The following STPG4 variants were observed in gnomAD, a reference collection of about 807,000 sequenced individuals.
STPG4 encodes the protein protein STPG4.
A neutral mutation model predicts 31.5 loss-of-function variants in STPG4; 41 were observed. That is an observed-to-expected ratio of 1.30 (90% CI 1.01 to 1.69). The LOEUF (loss-of-function observed/expected upper bound fraction) is 1.69. Ranked by LOEUF, STPG4 falls within the 40% of genes most tolerant of loss-of-function variation. The pLI, the probability that STPG4 is intolerant of heterozygous loss-of-function variation, is 0.00. For missense variants in STPG4, 375 were observed against 293.4 expected, an observed-to-expected ratio of 1.28 and a Z score of -2.03; for synonymous variants, 141 against 103.0, an observed-to-expected ratio of 1.37 and a Z score of -2.24.
intron 6 of STPG4, 117 bp downstream of exon 6, chr2:47,090,153 T>C: frequency 1.5e-6 from 1 of 683,798 alleles, no homozygotes; most frequent in Non-Finnish European, 2.6e-6. Context: ...TGTACACACA[T>C]GATCATTCCC....
At chr2:47,100,710 G>A (rs147850010) in intron 5 of STPG4, among the ~76,000 whole-genome samples, 8,489 of 151,534 alleles carry the variant, frequency 0.056, 441 homozygotes, top group African/African-American at 0.11. Flanking sequence ...TCACTCCTGA[G>A]GCCAGCGAGA....
intron 5 of STPG4, among the ~76,000 whole-genome samples, chr2:47,100,743 G>A (rs892913712): frequency 2.0e-5 from 3 of 151,556 alleles, no homozygotes; most frequent in African/African-American, 7.3e-5. Flanking sequence ...TGGGAGGAAT[G>A]AACAACTCCA....
intron 3 of STPG4, among the ~76,000 whole-genome samples, chr2:47,132,383 G>T (rs553876990): frequency 2.6e-5 from 4 of 152,104 alleles, no homozygotes; most frequent in African/African-American, 9.7e-5. Context: ...TGTTAAAAAG[G>T]CATCTACCTC....
At position 47,103,060 on chromosome 2, in the gene STPG4, C is replaced by T. The variant is rs528497296; in HGVS notation, c.520-12686G>A. On this transcript the variant is annotated intron_variant, in intron 5 of 6. Transcript: ENST00000445927. ...GTCAAGTAAATGACAGAATGACAGCCGACGAAAGGGACAAATTCCCTACTG... is the reference window on the plus strand; with the variant it reads ...GTCAAGTAAATGACAGAATGACAGCTGACGAAAGGGACAAATTCCCTACTG... Among the ~76,000 whole-genome samples the T allele has an allele frequency of 1.3e-4, 19 of 151,912 alleles. 1 individual carries two copies. The South Asian group carries it at 1.3e-3, about 10-fold the overall frequency.
At chr2:47,136,214 C>T (rs1444316507) in intron 3 of STPG4, among the ~76,000 whole-genome samples, 1 of 152,050 alleles carries the variant, frequency 6.6e-6, no homozygotes, top group South Asian at 2.1e-4. Context: ...GGCGCAATCT[C>T]AGCTCACTGC....
At chr2:47,140,692 G>A (rs1214743508) in intron 3 of STPG4, among the ~76,000 whole-genome samples, 1 of 152,114 alleles carries the variant, frequency 6.6e-6, no homozygotes, top group African/African-American at 2.4e-5. Context: ...TTGTTAGGAT[G>A]GAACTTCAAC....
chr2:47,129,958 T>C lies in STPG4; in HGVS notation c.502A>G (p.Thr168Ala), dbSNP rs764308300. The change falls in exon 5 of 7, where the codon ACA (threonine) becomes GCA (alanine). Residue 168 changes from threonine to alanine, a missense_variant. Coordinates refer to ENST00000445927, the MANE Select transcript of STPG4 (RefSeq NM_001163561.2). ...ATACTTACGGGAATAAAATAGGTTGTTGGGAATCTTTGAACTGTTGAGCGA... is the reference window on the plus strand; with the variant it reads ...ATACTTACGGGAATAAAATAGGTTGCTGGGAATCTTTGAACTGTTGAGCGA... ...VFRSTVQRFP[T>A]TYFIPHEGPG... 5 of 1,606,266 alleles carry C rather than the reference T, an allele frequency of 3.1e-6. No homozygotes were observed. Among genetic ancestry groups the C allele is most frequent in the Admixed American group, 1.7e-5 (1 of 59,784 alleles).
At chr2:47,116,871 T>TCAAAATC (rs149647720) in intron 5 of STPG4, among the ~76,000 whole-genome samples, 3,876 of 152,274 alleles carry the variant, frequency 0.025, 170 homozygotes, top group African/African-American at 0.088. Context: ...GGCTCTCATA[T>TCAAAATC]CCTACCTGTG....
rs75177858 is a variant in STPG4 at position 47,142,496 on chromosome 2, G to T, written c.399+8762C>A. 3.1e-3 allele frequency among the ~76,000 whole-genome samples: 470 copies of T among 152,050 alleles called. 5 individuals are homozygous for T. Among genetic ancestry groups the T allele is most frequent in the African/African-American group, 0.011 (438 of 41,488 alleles). ...GAACATTTTAAGAAAGAAAACAAGA[G>T]AACAAAAATGTTAGTTGGAAAAAAT... On this transcript the variant is annotated intron_variant, in intron 3 of 6. Transcript: ENST00000445927.
chr2:47,147,549 C>T (rs1272681227), intron 3 of STPG4, among the ~76,000 whole-genome samples: 1 of 152,096 alleles, frequency 6.6e-6, no homozygotes, highest in African/African-American at 2.4e-5. Context: ...AATTCTTGGT[C>T]TTGAAAAACA....
In STPG4 at chr2:47,107,970, T is replaced by C. The variant is rs551542106; in HGVS notation, c.520-17596A>G. On this transcript the variant is annotated intron_variant, in intron 5 of 6. Transcript: ENST00000445927. ...ATTGTAAATACACCAATCGGCACTC[T>C]GTATCTAGCTCAAGGTTTGTAAATA... Among the ~76,000 whole-genome samples the C allele has an allele frequency of 1.1e-4, 16 of 151,372 alleles. No homozygotes were observed. In the East Asian group the frequency reaches 1.4e-3, roughly 13 times the overall value.
chr2:47,137,345 T>C (rs1686616834), intron 3 of STPG4, among the ~76,000 whole-genome samples: 1 of 152,224 alleles, frequency 6.6e-6, no homozygotes, highest in Non-Finnish European at 1.5e-5. Context: ...GGTTGCGATG[T>C]ATAATTTTTT....
chr2:47,129,850 G>A, intron 5 of STPG4, 91 bp downstream of exon 5: 1 of 1,534,056 alleles, frequency 6.5e-7, no homozygotes, highest in Non-Finnish European at 8.8e-7. Context: ...TCACTGGAGG[G>A]TTCTATGTGG....
intron 5 of STPG4, among the ~76,000 whole-genome samples, chr2:47,118,338 G>T (rs180863329): frequency 6.6e-6 from 1 of 152,298 alleles, no homozygotes; most frequent in Non-Finnish European, 1.5e-5. Context: ...AGAATCTAAT[G>T]CCTGATGATC....
intron 5 of STPG4, among the ~76,000 whole-genome samples, chr2:47,100,534 G>GA (rs1304863830): frequency 1.3e-5 from 2 of 149,486 alleles, no homozygotes; most frequent in East Asian, 2.0e-4. Flanking sequence ...CCAGATAAGA[G>GA]AAAAAAAGCA....
At chr2:47,110,317 G>T (rs564540384) in intron 5 of STPG4, among the ~76,000 whole-genome samples, 2 of 152,248 alleles carry the variant, frequency 1.3e-5, no homozygotes, top group South Asian at 4.2e-4. Flanking sequence ...TTTTGGGCTG[G>T]GCACGGTGGC....
rs150869515 is a variant in STPG4 at position 47,112,603 on chromosome 2, G to C, written c.519+17338C>G. Reference sequence around the variant, plus strand: ...AGCCTCATTCTCAAAAGTATTTGAAGAGACTAGGTGAATGTCTATAGGTAT... The same window carrying C: ...AGCCTCATTCTCAAAAGTATTTGAACAGACTAGGTGAATGTCTATAGGTAT... On this transcript the variant is annotated intron_variant, in intron 5 of 6. Transcript: ENST00000445927. Among the ~76,000 whole-genome samples the C allele has an allele frequency of 6.7e-4, 102 of 152,314 alleles. 1 individual carries two copies. In the East Asian group the frequency reaches 0.016, roughly 23 times the overall value.
intron 3 of STPG4, among the ~76,000 whole-genome samples, chr2:47,140,837 A>G (rs962051145): frequency 6.6e-6 from 1 of 152,158 alleles, no homozygotes; most frequent in Non-Finnish European, 1.5e-5. Context: ...AATCCCTATT[A>G]GAATAATCAT....
chr2:47,155,197 C>T lies in STPG4; in HGVS notation c.55G>A (p.Gly19Ser), dbSNP rs1687007089. The change falls in exon 1 of 7, where the codon GGT becomes AGT. Residue 19 changes from glycine to serine, a missense_variant. Physicochemically the swap from Gly to Ser is moderately conservative, Grantham distance 56. Transcript: ENST00000445927. ...GAAGCTGTGATGAATGATTCTCCAC[C>T]CACCAGGTCTTCCCTTATTGAGGTG... ...ASTSIREDLV[G>S]GESFITASKP... 1 of 1,614,124 alleles carries T rather than the reference C, an allele frequency of 6.2e-7. No homozygotes were observed. The highest frequency in any genetic ancestry group is 1.3e-5 in the African/African-American group (1 of 75,044).
Sources: gnomAD v4.1 joint callset for allele counts (sites outside exome capture counted in the v4.1 genomes callset) on GRCh38, gnomAD v4.1.1 for gene constraint, MANE v1.5 for transcripts, NCBI Gene and HGNC (gene_info 2026-07-23, HGNC 2026-07-21) for gene names.